The following LARS1 variants were observed in gnomAD, a reference collection of about 807,000 sequenced individuals.
LARS1 encodes leucine--tRNA ligase, cytoplasmic.
A neutral mutation model predicts 162.8 loss-of-function variants in LARS1; 100 were observed. The ratio of observed to expected loss-of-function variants is 0.61; its 90% CI spans 0.52 to 0.73. The LOEUF is 0.73. LARS1 is among the 30% of genes least tolerant of loss of function. The probability of loss-of-function intolerance (pLI) is 0.00; values close to 1 mark genes in which losing one functional copy is unlikely to be tolerated. For synonymous variants in LARS1, 457 were observed against 462.8 expected (o/e 0.99, Z 0.16); for missense variants, 1,258 against 1,408.9 (o/e 0.89, Z 1.71).
chr5:146,173,754 T>C (rs1334274805), intron 2 of LARS1, among the ~76,000 whole-genome samples: 1 of 152,080 alleles, frequency 6.6e-6, no homozygotes, highest in Non-Finnish European at 1.5e-5. Context: ...ACTACCTGTT[T>C]CCTCTCTACT....
chr5:146,120,555 G>A, intron 30 of LARS1, 52 bp from the exon 31 acceptor site: 2 of 1,559,664 alleles, frequency 1.3e-6, no homozygotes, highest in African/African-American at 1.4e-5. Context: ...GCTGAGGGAG[G>A]AGGAATCTCT....
In LARS1 at chr5:146,157,643, C is replaced by A. The variant is rs1427296706; in HGVS notation, c.840-15G>T. ...CTTTCAGGCCACTGAGAAAAAAAAA[C>A]AAATATTGATGTAAAAACATGTCAA... On this transcript the variant is annotated splice_polypyrimidine_tract_variant and intron_variant, in intron 9 of 31. Coordinates refer to ENST00000394434, the MANE Select transcript of LARS1 (RefSeq NM_020117.11). The A allele has an allele frequency of 5.6e-6, 9 of 1,608,260 alleles. No individual in the cohort carries two copies. Among genetic ancestry groups the A allele is most frequent in the Admixed American group, 1.7e-5 (1 of 59,686 alleles).
intron 10 of LARS1, among the ~76,000 whole-genome samples, chr5:146,154,880 T>C (rs1018262288): frequency 1.3e-5 from 2 of 151,916 alleles, no homozygotes; most frequent in Admixed American, 6.6e-5. Context: ...TGAGATGGAG[T>C]TCTGCTCTTG....
intron 4 of LARS1, 39 bp downstream of exon 4, chr5:146,171,871 A>G (rs765862616): frequency 1.3e-6 from 2 of 1,495,118 alleles, no homozygotes; most frequent in Non-Finnish European, 1.8e-6. Context: ...ATTTGCTCCA[A>G]CTAAAAAGAG....
intron 5 of LARS1, 65 bp downstream of exon 5, chr5:146,168,063 G>T: frequency 1.5e-6 from 2 of 1,332,674 alleles, no homozygotes; most frequent in Non-Finnish European, 2.1e-6. Flanking sequence ...CTAGTACTGG[G>T]AATGCACATA....
intron 1 of LARS1, among the ~76,000 whole-genome samples, chr5:146,177,891 G>C (rs971791622): frequency 9.2e-5 from 14 of 152,078 alleles, no homozygotes; most frequent in Non-Finnish European, 1.5e-5. Context: ...CTTGAGGTCA[G>C]GAGTTCGAGA....
chr5:146,131,492 T>G (rs1408078877), intron 23 of LARS1: 10 of 146,456 alleles, frequency 6.8e-5, no homozygotes, highest in Non-Finnish European at 1.0e-4. Context: ...CCAAGTTTTT[T>G]TTTTTTTTTT....
rs972867102 is a variant in LARS1, at chr5:146,130,954, A to G, written c.2487+65T>C. The G allele has an allele frequency of 2.7e-5, 24 of 888,138 alleles. No homozygotes were observed. In the African/African-American group the frequency reaches 3.5e-4, roughly 13 times the overall value. The allele number at this position is 888,138 out of a possible 1,614,324, so 55.0% of individuals were successfully genotyped here. The stretch of plus-strand genomic sequence containing the variant: ...AATTGTGCTATAGCAGGAAGAAAAA[A>G]GGGGGAAAATACATAATGTTCACAT... On this transcript the variant is annotated intron_variant, in intron 24 of 31. Coordinates refer to ENST00000394434, the MANE Select transcript of LARS1 (RefSeq NM_020117.11).
Position 146,144,719 on chromosome 5 carries a change from G to C in LARS1, c.1504-10C>G, listed in dbSNP as rs752664393. ...AAATAAGTGCATCTCCCTAAAGGAA[G>C]GTAAATAAACATACATTAGATACTA... On this transcript the variant is annotated splice_polypyrimidine_tract_variant and intron_variant, in intron 15 of 31. Transcript: ENST00000394434. The C allele has an allele frequency of 1.2e-6, 2 of 1,607,348 alleles. No homozygotes were observed. The highest frequency in any genetic ancestry group is 3.3e-5 in the Admixed American group (2 of 59,932).
At chr5:146,141,629 C>A (rs575930970) in intron 20 of LARS1, among the ~76,000 whole-genome samples, 9 of 151,384 alleles carry the variant, frequency 5.9e-5, no homozygotes, top group Non-Finnish European at 8.8e-5. Context: ...CAAAGTGAGA[C>A]CTCGTCTCTA....
intron 10 of LARS1, among the ~76,000 whole-genome samples, chr5:146,155,253 A>G (rs542521234): frequency 9.1e-4 from 138 of 152,206 alleles, no homozygotes; most frequent in Non-Finnish European, 1.5e-3. Context: ...TGAAGAAAAT[A>G]TAGGAATCCA....
In LARS1 at chr5:146,129,085, C is replaced by A; in HGVS notation, c.2662G>T (p.Ala888Ser). ...ATTAAAACTTCATTAACAGGACCTGCCACAGGCCATGAAGCATTCATAATT... is the reference window on the plus strand; with the variant it reads ...ATTAAAACTTCATTAACAGGACCTGACACAGGCCATGAAGCATTCATAATT... Reference protein sequence around the residue: ...DSIMNASWPVAGPVNEVLIHS... With the variant: ...DSIMNASWPVSGPVNEVLIHS... The change falls in exon 26 of 32, where the codon GCA (alanine) becomes TCA (serine). Residue 888 changes from alanine (A) to serine (S), a missense_variant. Ala to Ser is a moderately conservative substitution (Grantham distance 99). Coordinates refer to ENST00000394434, the MANE Select transcript of LARS1 (RefSeq NM_020117.11). The A allele has an allele frequency of 1.2e-6, 2 of 1,603,660 alleles. No homozygotes were observed. The highest frequency in any genetic ancestry group is 2.2e-5 in the East Asian group (1 of 44,794).
chr5:146,144,799 A>C, intron 15 of LARS1, 90 bp from the exon 16 acceptor site: 1 of 1,106,648 alleles, frequency 9.0e-7, no homozygotes, highest in Non-Finnish European at 1.3e-6. Context: ...AAAATGCTAT[A>C]CCACCAATAA....
chr5:146,126,610 G>T, intron 27 of LARS1, 65 bp from the exon 28 acceptor site: 1 of 1,047,572 alleles, frequency 9.5e-7, no homozygotes, highest in Non-Finnish European at 1.5e-6. Flanking sequence ...CAGAACAGTA[G>T]ATGTGACCAG....
intron 21 of LARS1, chr5:146,138,071 G>C (rs1376771819): frequency 6.7e-6 from 1 of 149,008 alleles, no homozygotes; most frequent in Non-Finnish European, 1.5e-5. Flanking sequence ...AGCGAGCCGA[G>C]ATTACGTCAT....
At position 146,153,669 on chromosome 5, in the gene LARS1, G is replaced by GTTCA. The variant is rs150034157; in HGVS notation, c.1230+61_1230+64dup. On this transcript the variant is annotated intron_variant, in intron 12 of 31. Transcript: ENST00000394434. ...CTTTTTAGCCTAGTCCCACAGCGTAGTTCAGCAGCACCTAAGCAATGAGAT... is the reference window on the plus strand; with the variant it reads ...CTTTTTAGCCTAGTCCCACAGCGTAGTTCATTCAGCAGCACCTAAGCAATGAGAT... 0.063 allele frequency: 80,743 copies of GTTCA among 1,280,946 alleles called. 2,964 individuals carry two copies. The highest frequency in any genetic ancestry group is 0.068 in the Non-Finnish European group (60,185 of 880,090). 79.3% of individuals were successfully genotyped at this position (1,280,946 alleles called of 1,614,324 possible). A position where few individuals can be genotyped will look rare whatever the true frequency, so the allele number is the denominator to read the frequency against.
At position 146,153,576 on chromosome 5, in the gene LARS1, CA is replaced by C. The variant is rs200902839; in HGVS notation, c.1230+157del. Among the ~76,000 whole-genome samples, 1,190 of 152,164 alleles carry C rather than the reference CA, an allele frequency of 7.8e-3. 14 individuals carry two copies. The highest frequency in any genetic ancestry group is 0.027 in the African/African-American group (1,131 of 41,518). ...AAATTCTGTGAACATATTTAAAATT[CA>C]AACCACAGAAAATATATTAACATCA... On this transcript the variant is annotated intron_variant, in intron 12 of 31. Coordinates refer to ENST00000394434, the MANE Select transcript of LARS1 (RefSeq NM_020117.11).
intron 14 of LARS1, 138 bp from the exon 15 acceptor site, chr5:146,149,837 G>A (rs1226102995): frequency 4.5e-6 from 3 of 660,044 alleles, no homozygotes; most frequent in African/African-American, 1.8e-5. Flanking sequence ...TATTTACAAC[G>A]ATAATTTTTC....
Position 146,144,313 on chromosome 5 carries a change from G to A in LARS1, c.1692C>T (p.Thr564=), listed in dbSNP as rs114307562. The change falls in exon 18 of 32, where the codon ACC becomes ACT. Residue 564 remains threonine, a synonymous_variant. Coordinates refer to ENST00000394434, the MANE Select transcript of LARS1 (RefSeq NM_020117.11). ...CEETRRNFEA[T]LGWLQEHACS... ...AAGCATGTTCTTGTAGCCAACCTAA[G>A]GTGGCTTCAAAATTCCTCCTGGTCT... 3.7e-3 allele frequency: 5,959 copies of A among 1,613,620 alleles called. 60 individuals are homozygous for A. The highest frequency in any genetic ancestry group is 0.035 in the African/African-American group (2,636 of 74,988).
Sources: allele counts gnomAD v4.1 joint callset (sites outside exome capture counted in the v4.1 genomes callset), GRCh38; gene constraint gnomAD v4.1.1; transcripts MANE v1.5; gene names NCBI Gene and HGNC (gene_info 2026-07-23, HGNC 2026-07-21).